RIPOR2: variants seen among roughly 807,000 people sequenced by gnomAD.
RIPOR2 encodes rho family-interacting cell polarization regulator 2.
In RIPOR2, 39 loss-of-function variants were observed where a neutral mutation model predicts 114.5. That is an observed-to-expected ratio of 0.34 (90% CI 0.26 to 0.44). The LOEUF (loss-of-function observed/expected upper bound fraction) is 0.44, where lower values mean the gene tolerates loss of function less well. Among genes scored for constraint, RIPOR2 ranks in the 20% least tolerant of loss-of-function variants. The pLI, the probability that RIPOR2 is intolerant of heterozygous loss-of-function variation, is 1.00. For missense variants in RIPOR2, 1,007 were observed against 1,255.1 expected (o/e 0.80, Z 2.99); for synonymous variants, 445 against 484.4 (o/e 0.92, Z 1.07).
chr6:24,927,067 C>A (rs1353910904), intron 1 of RIPOR2, among the ~76,000 whole-genome samples: 1 of 262 alleles, frequency 3.8e-3, no homozygotes, highest in East Asian at 0.5. Flanking sequence ...CCACCACCAC[C>A]ACCACCACAA....
chr6:24,912,724 A>C (rs1357176135), intron 1 of RIPOR2, among the ~76,000 whole-genome samples: 3 of 152,208 alleles, frequency 2.0e-5, no homozygotes, highest in Non-Finnish European at 4.4e-5. Flanking sequence ...TGGAGGGAGA[A>C]GGGCCTGACA....
chr6:24,951,100 C>T lies in RIPOR2; in HGVS notation c.77-75283G>A, dbSNP rs376072777. Among the ~76,000 whole-genome samples, 21 of 152,296 alleles carry T rather than the reference C, an allele frequency of 1.4e-4. No homozygotes were observed. In the South Asian group the frequency reaches 2.9e-3, roughly 21 times the overall value. ...TTCTCTAGGCAAGAGCGATCAGAGA[C>T]TTTAGAAGTTCATATCAACATGGAA... On this transcript the variant is annotated intron_variant, in intron 1 of 13. Coordinates refer to the RIPOR2 transcript ENST00000510784.
intron 1 of RIPOR2, among the ~76,000 whole-genome samples, chr6:24,969,393 C>T (rs766197782): frequency 6.6e-6 from 1 of 152,170 alleles, no homozygotes; most frequent in South Asian, 2.1e-4. Context: ...GGGTGATTCA[C>T]GTGCAGGTTA....
intron 1 of RIPOR2, among the ~76,000 whole-genome samples, chr6:24,878,440 T>C (rs552343420): frequency 9.2e-5 from 14 of 152,224 alleles, no homozygotes; most frequent in Non-Finnish European, 2.1e-4. Context: ...TAGTATTCTA[T>C]CTTATTTTGT....
At chr6:24,905,925 CA>C (rs1768943515) in intron 1 of RIPOR2, among the ~76,000 whole-genome samples, 1 of 152,116 alleles carries the variant, frequency 6.6e-6, no homozygotes, top group Admixed American at 6.5e-5. Context: ...ATTTAACATC[CA>C]AAACAATTTG....
chr6:24,860,291 T>G (rs980552105), intron 8 of RIPOR2, among the ~76,000 whole-genome samples: 1 of 3,196 alleles, frequency 3.1e-4, no homozygotes, highest in African/African-American at 3.4e-4. Context: ...TGGGACATTC[T>G]GTACAATGGT....
intron 1 of RIPOR2, among the ~76,000 whole-genome samples, chr6:25,002,519 G>C (rs1266662989): frequency 2.6e-5 from 4 of 152,154 alleles, no homozygotes; most frequent in Non-Finnish European, 4.4e-5. Flanking sequence ...CTCAAGAAGT[G>C]GAAGCTTTTT....
chr6:24,935,802 A>G, intron 1 of RIPOR2, 36 bp downstream of exon 1: 1 of 1,474,586 alleles, frequency 6.8e-7, no homozygotes, highest in East Asian at 2.5e-5. Context: ...AAAGCAAAGC[A>G]GACCGGAGAG....
chr6:25,008,623 A>G (rs1581945261), intron 1 of RIPOR2, among the ~76,000 whole-genome samples: 1 of 152,246 alleles, frequency 6.6e-6, no homozygotes, highest in African/African-American at 2.4e-5. Flanking sequence ...TTAAGCCACT[A>G]TATTTTGGGT....
chr6:24,975,108 T>C (rs1197870297), intron 1 of RIPOR2, among the ~76,000 whole-genome samples: 2 of 152,194 alleles, frequency 1.3e-5, no homozygotes, highest in Non-Finnish European at 2.9e-5. Flanking sequence ...CTAAAAGCCA[T>C]TGAATTATAC....
In RIPOR2 at chr6:24,875,693, G is replaced by A. The variant is rs775958639; in HGVS notation, c.186C>T (p.Ser62=). 6.2e-7 allele frequency: 1 copy of A among 1,612,442 alleles called. No individual in the cohort carries two copies. Among genetic ancestry groups the A allele is most frequent in the South Asian group, 1.1e-5 (1 of 90,632 alleles). Residue 62 remains serine (S), a splice_region_variant and synonymous_variant, in exon 2 of 22, where the codon TCC becomes TCT. Transcript: ENST00000643898. ...GGAGAGAACCACACAGTACTTGCCT[G>A]GATCGCCTTTCCTGGAGGCCGCTGA... ...AGFSGLQERR[S]RCNSFIENSS... is the part of the protein sequence containing the mutation.
At chr6:25,015,261 G>T in intron 1 of RIPOR2, 1 of 152,328 alleles carries the variant, frequency 6.6e-6, no homozygotes. Context: ...GAATCCAGGA[G>T]GGAAAATTGT....
intron 6 of RIPOR2, among the ~76,000 whole-genome samples, chr6:24,865,904 T>C (rs994196923): frequency 6.6e-6 from 1 of 152,144 alleles, no homozygotes; most frequent in Non-Finnish European, 1.5e-5. Flanking sequence ...CTTCTGTATA[T>C]AGAACAAACA....
At chr6:24,904,192 T>C (rs1464986985) in intron 1 of RIPOR2, among the ~76,000 whole-genome samples, 1 of 152,232 alleles carries the variant, frequency 6.6e-6, no homozygotes, top group Non-Finnish European at 1.5e-5. Context: ...GACATATATT[T>C]ACAGTTCTGG....
chr6:24,868,439 T>G (rs1764838899), intron 6 of RIPOR2, among the ~76,000 whole-genome samples: 1 of 152,164 alleles, frequency 6.6e-6, no homozygotes, highest in African/African-American at 2.4e-5. Context: ...TTTAGCTGCC[T>G]CTAAAGGTAA....
intron 1 of RIPOR2, among the ~76,000 whole-genome samples, chr6:24,970,570 G>C (rs1182145515): frequency 6.6e-6 from 1 of 152,176 alleles, no homozygotes; most frequent in African/African-American, 2.4e-5. Context: ...AGCTGTCTTG[G>C]TAATCTGTGG....
At chr6:24,879,201 A>G (rs6456637) in intron 1 of RIPOR2, among the ~76,000 whole-genome samples, 14,972 of 148,988 alleles carry the variant, frequency 0.1, 3,045 homozygotes, top group African/African-American at 0.19. Context: ...TTAGCCAGGC[A>G]TGGTGGCTGG....
chr6:24,842,028 C>T (rs1356392816), intron 13 of RIPOR2, among the ~76,000 whole-genome samples: 1 of 152,118 alleles, frequency 6.6e-6, no homozygotes, highest in Non-Finnish European at 1.5e-5. Flanking sequence ...CAAAGAACTG[C>T]TCTTTTAAGA....
rs1316448998 is a variant in RIPOR2 at position 25,024,897 on chromosome 6, G to A, written c.76+16954C>T. Among the ~76,000 whole-genome samples, 5 of 152,164 alleles carry A rather than the reference G, an allele frequency of 3.3e-5. No individual in the cohort carries two copies. In the East Asian group the frequency reaches 9.6e-4, roughly 29 times the overall value. On this transcript the variant is annotated intron_variant, in intron 1 of 13. Transcript: ENST00000510784. ...CTTCTCACCATGGGTTTTCTTTGATGACTTGGAAAGCTATTTTCTCTGTTT... is the reference window on the plus strand; with the variant it reads ...CTTCTCACCATGGGTTTTCTTTGATAACTTGGAAAGCTATTTTCTCTGTTT...
Sources: allele counts gnomAD v4.1 joint callset (sites outside exome capture counted in the v4.1 genomes callset), GRCh38; gene constraint gnomAD v4.1.1; transcripts MANE v1.5; gene names NCBI Gene and HGNC (gene_info 2026-07-23, HGNC 2026-07-21).